CYP39A1: variants seen among roughly 807,000 people sequenced by gnomAD.
CYP39A1 encodes the protein cytochrome P450 family 39 subfamily A member 1.
CYP39A1 carries 49 observed loss-of-function variants against 58.1 expected under a neutral mutation model. That is an observed-to-expected ratio of 0.84 (90% CI 0.67 to 1.07). The LOEUF (loss-of-function observed/expected upper bound fraction) is 1.07, where lower values mean the gene tolerates loss of function less well. Ranked by LOEUF, CYP39A1 falls within the 50% of genes least tolerant of loss-of-function variation. The pLI is 0.00. For missense variants in CYP39A1, 531 were observed against 539.4 expected (o/e 0.98, Z 0.16); for synonymous variants, 209 against 187.6 (o/e 1.11, Z -0.93).
chr6:46,601,142 G>A (rs115074379), intron 7 of CYP39A1, among the ~76,000 whole-genome samples: 2 of 152,318 alleles, frequency 1.3e-5, no homozygotes, highest in African/African-American at 4.8e-5. Flanking sequence ...AGTGTTGTGT[G>A]TAGAGAAACA....
In CYP39A1 at chr6:46,556,394, C is replaced by T. The variant is rs115649725; in HGVS notation, c.1251-2540G>A. Among the ~76,000 whole-genome samples, 142 of 152,250 alleles carry T rather than the reference C, an allele frequency of 9.3e-4. 1 individual carries two copies. The highest frequency in any genetic ancestry group is 3.3e-3 in the African/African-American group (139 of 41,546). ...GAGTATCAGAAAAGAAGGAGTTTCACAGAAAGAGAGCGCACAAGAGTATTC... is the reference window on the plus strand; with the variant it reads ...GAGTATCAGAAAAGAAGGAGTTTCATAGAAAGAGAGCGCACAAGAGTATTC... On this transcript the variant is annotated intron_variant, in intron 10 of 11. Transcript: ENST00000275016.
chr6:46,621,867 C>T lies in CYP39A1; in HGVS notation c.931+3551G>A, dbSNP rs568222817. On this transcript the variant is annotated intron_variant, in intron 7 of 11. Coordinates refer to ENST00000275016, the MANE Select transcript of CYP39A1 (RefSeq NM_016593.5). ...ATTTTAAGAAAAGAAAATTATAAGT[C>T]AATATTCCTTATTAACATAGATTCT... Among the ~76,000 whole-genome samples, 111 of 152,078 alleles carry T rather than the reference C, an allele frequency of 7.3e-4. 1 individual carries two copies. The South Asian group carries it at 0.022, about 30-fold the overall frequency.
chr6:46,648,559 A>G (rs1427859817), intron 1 of CYP39A1, among the ~76,000 whole-genome samples: 2 of 150,822 alleles, frequency 1.3e-5, no homozygotes, highest in Non-Finnish European at 3.0e-5. Flanking sequence ...TAGGAGATAT[A>G]CCTAATATAA....
chr6:46,555,050 GAC>G (rs138308277), intron 10 of CYP39A1, among the ~76,000 whole-genome samples: 41,188 of 148,100 alleles, frequency 0.28, 6,131 homozygotes, highest in African/African-American at 0.38. Flanking sequence ...CGCAGACACA[GAC>G]ACACACACAC....
rs1776389684 is a variant in CYP39A1 at position 46,642,300 on chromosome 6, T to A, written c.178-2A>T. ...AAAGACTGTAAATATTGGTCCATAC[T>A]GAAATAAAACAAACATAGATTATAT... On this transcript the variant is annotated splice_acceptor_variant, in intron 1 of 11. Transcript: ENST00000275016. LOFTEE classifies it high-confidence loss of function. 6.2e-7 allele frequency: 1 copy of A among 1,609,644 alleles called. No homozygotes were observed. Among genetic ancestry groups the A allele is most frequent in the African/African-American group, 1.3e-5 (1 of 74,754 alleles).
chr6:46,595,946 T>G (rs764930341), intron 8 of CYP39A1, 41 bp downstream of exon 8: 1 of 1,579,582 alleles, frequency 6.3e-7, no homozygotes, highest in Non-Finnish European at 8.6e-7. Flanking sequence ...TGTACTTTTT[T>G]TGTAGAAGGT....
At chr6:46,609,167 C>T (rs1024782074) in intron 7 of CYP39A1, among the ~76,000 whole-genome samples, 5 of 151,654 alleles carry the variant, frequency 3.3e-5, no homozygotes, top group African/African-American at 1.2e-4. Context: ...TTCGGGAGGC[C>T]GAGGTGGGCG....
intron 1 of CYP39A1, among the ~76,000 whole-genome samples, chr6:46,648,142 C>A (rs1031187004): frequency 1.1e-4 from 17 of 152,060 alleles, no homozygotes; most frequent in African/African-American, 3.9e-4. Context: ...TACCATTTGA[C>A]CCAGCCATCC....
chr6:46,587,999 T>G, intron 9 of CYP39A1, 35 bp downstream of exon 9: 1 of 1,234,346 alleles, frequency 8.1e-7, no homozygotes, highest in Non-Finnish European at 1.1e-6. Context: ...GAAATTAAAA[T>G]GAAAGAATAA....
At chr6:46,626,096 A>C (rs537090989) in intron 6 of CYP39A1, among the ~76,000 whole-genome samples, 8 of 152,218 alleles carry the variant, frequency 5.3e-5, no homozygotes, top group Non-Finnish European at 1.0e-4. Flanking sequence ...TAAAAGAAAA[A>C]AAATTTTTGA....
chr6:46,639,157 A>T (rs1776173092), intron 3 of CYP39A1, among the ~76,000 whole-genome samples: 1 of 152,216 alleles, frequency 6.6e-6, no homozygotes, highest in South Asian at 2.1e-4. Flanking sequence ...TTCTACAGGA[A>T]GTATGAAAAT....
chr6:46,629,781 C>T lies in CYP39A1; in HGVS notation c.840+1182G>A, dbSNP rs530080904. On this transcript the variant is annotated intron_variant, in intron 6 of 11. Transcript: ENST00000275016. ...TTAAATCCTCCTGTTTAGTAGAAAA[C>T]AAGTATATTTAAAAAGTTACCCTTT... Among the ~76,000 whole-genome samples the T allele has an allele frequency of 2.6e-5, 4 of 152,230 alleles. No individual in the cohort carries two copies. The South Asian group carries it at 8.3e-4, about 32-fold the overall frequency.
At chr6:46,556,743 G>A (rs751430293) in intron 10 of CYP39A1, among the ~76,000 whole-genome samples, 1 of 152,098 alleles carries the variant, frequency 6.6e-6, no homozygotes, top group Non-Finnish European at 1.5e-5. Context: ...GTTTTTCTAA[G>A]CAACTAACTG....
intron 8 of CYP39A1, among the ~76,000 whole-genome samples, chr6:46,589,254 A>G (rs1438941569): frequency 1.3e-5 from 2 of 151,970 alleles, no homozygotes; most frequent in African/African-American, 2.4e-5. Flanking sequence ...GGAGTTTGAG[A>G]CCAGCCTAGG....
At chr6:46,631,858 T>C (rs576720431) in intron 5 of CYP39A1, among the ~76,000 whole-genome samples, 2 of 152,264 alleles carry the variant, frequency 1.3e-5, no homozygotes, top group African/African-American at 4.8e-5. Flanking sequence ...CATCGGGCGG[T>C]TTCCCCAGAT....
At chr6:46,568,926 A>G (rs2150491921) in intron 10 of CYP39A1, among the ~76,000 whole-genome samples, 1 of 151,958 alleles carries the variant, frequency 6.6e-6, no homozygotes, top group South Asian at 2.1e-4. Flanking sequence ...CTGCCAAAAA[A>G]AAAATAACAT....
At chr6:46,651,771 T>C (rs1335232632) in intron 1 of CYP39A1, among the ~76,000 whole-genome samples, 2 of 152,186 alleles carry the variant, frequency 1.3e-5, no homozygotes, top group African/African-American at 4.8e-5. Flanking sequence ...GACAATCAAA[T>C]ACCATAAAAT....
chr6:46,584,791 G>A (rs1264044502), intron 10 of CYP39A1, among the ~76,000 whole-genome samples: 1 of 152,016 alleles, frequency 6.6e-6, no homozygotes, highest in Non-Finnish European at 1.5e-5. Context: ...AAGCTAAAAG[G>A]TCTCCCGCCA....
chr6:46,622,792 G>A (rs1285307417), intron 7 of CYP39A1, among the ~76,000 whole-genome samples: 1 of 152,060 alleles, frequency 6.6e-6, no homozygotes, highest in Non-Finnish European at 1.5e-5. Context: ...CAAAATAATT[G>A]GGGCTAAGCA....
Sources: gnomAD v4.1 joint callset for allele counts (sites outside exome capture counted in the v4.1 genomes callset) on GRCh38, gnomAD v4.1.1 for gene constraint, MANE v1.5 for transcripts, NCBI Gene and HGNC (gene_info 2026-07-23, HGNC 2026-07-21) for gene names.